The following FGF12 variants were observed in gnomAD, a reference collection of about 807,000 sequenced individuals.
FGF12 encodes the protein fibroblast growth factor 12B.
In FGF12, 14 loss-of-function variants were observed where a neutral mutation model predicts 23.6. That is an observed-to-expected ratio of 0.59 (90% confidence interval 0.39 to 0.93). FGF12 has a LOEUF of 0.93. Among genes scored for constraint, FGF12 ranks in the 40% least tolerant of loss-of-function variants. The pLI, the probability that FGF12 is intolerant of heterozygous loss-of-function variation, is 0.00. For missense variants in FGF12, 175 were observed against 217.8 expected (o/e 0.80, Z 1.24); for synonymous variants, 62 against 77.3 (o/e 0.80, Z 1.04).
At position 192,408,025 on chromosome 3, in the gene FGF12, C is replaced by A. The variant is rs777885132; in HGVS notation, c.14-47487G>T. On this transcript the variant is annotated intron_variant, in intron 2 of 5. Coordinates refer to ENST00000445105, the MANE Select transcript of FGF12 (RefSeq NM_004113.6). This position sits in a 1 kb window ranked among gnomAD's most constrained non-coding sequence, Gnocchi z 7.3. ...GCCCACTCTCCGGGCTTCTACTGAC[C>A]TGGTCTCCGCCTCACCGGCCTCTTG... 6.2e-7 allele frequency: 1 copy of A among 1,608,682 alleles called. No homozygotes were observed. The highest frequency in any genetic ancestry group is 8.5e-7 in the Non-Finnish European group (1 of 1,178,142).
chr3:192,349,568 T>C (rs1469914260), intron 3 of FGF12, among the ~76,000 whole-genome samples: 1 of 152,086 alleles, frequency 6.6e-6, no homozygotes, highest in East Asian at 1.9e-4. Flanking sequence ...TTTAAGAAAA[T>C]GATGTCTCTA....
chr3:192,683,598 C>T (rs568623614), intron 2 of FGF12, among the ~76,000 whole-genome samples: 5 of 152,220 alleles, frequency 3.3e-5, no homozygotes, highest in East Asian at 1.9e-4. Flanking sequence ...AACATTTCCC[C>T]GCTCTATTAA....
At chr3:192,293,439 C>A (rs941171287) in intron 4 of FGF12, among the ~76,000 whole-genome samples, 1 of 152,180 alleles carries the variant, frequency 6.6e-6, no homozygotes, top group Non-Finnish European at 1.5e-5. Context: ...ACTTAACATA[C>A]CTTTCCATCG....
chr3:192,248,591 A>G (rs1326692322), intron 4 of FGF12, among the ~76,000 whole-genome samples: 1 of 152,122 alleles, frequency 6.6e-6, no homozygotes, highest in African/African-American at 2.4e-5. Flanking sequence ...TATGCAACAT[A>G]GTGAGACCCC....
chr3:192,439,713 A>T (rs967026966), intron 2 of FGF12, among the ~76,000 whole-genome samples: 3 of 152,194 alleles, frequency 2.0e-5, no homozygotes, highest in Non-Finnish European at 4.4e-5. Context: ...GTGGTGGCTC[A>T]CGCCTGTAAT....
intron 2 of FGF12, among the ~76,000 whole-genome samples, chr3:192,393,818 G>A (rs938919423): frequency 4.6e-5 from 7 of 151,928 alleles, no homozygotes; most frequent in Admixed American, 1.3e-4. Context: ...AATATTAAAC[G>A]TGATGATTCT....
intron 2 of FGF12, among the ~76,000 whole-genome samples, chr3:192,667,921 G>A (rs1716954378): frequency 1.3e-5 from 2 of 152,160 alleles, no homozygotes; most frequent in African/African-American, 4.8e-5. Flanking sequence ...CACACATAAT[G>A]AAAAGGTAAA....
At chr3:192,693,992 T>G (rs182104233) in intron 2 of FGF12, among the ~76,000 whole-genome samples, 1 of 152,130 alleles carries the variant, frequency 6.6e-6, no homozygotes. Context: ...AGAAAATATT[T>G]GTGAACCATG....
At chr3:192,641,498 G>A (rs550089819) in intron 2 of FGF12, among the ~76,000 whole-genome samples, 5 of 150,202 alleles carry the variant, frequency 3.3e-5, no homozygotes, top group East Asian at 3.9e-4. Context: ...TCTGTCTCCC[G>A]GGTTCCAGCG....
At chr3:192,214,150 A>G (rs900082579) in intron 4 of FGF12, among the ~76,000 whole-genome samples, 1 of 152,182 alleles carries the variant, frequency 6.6e-6, no homozygotes, top group Non-Finnish European at 1.5e-5. Flanking sequence ...CCAAGAAACT[A>G]TATGATTGTG....
intron 2 of FGF12, among the ~76,000 whole-genome samples, chr3:192,677,125 A>G (rs1717353030): frequency 6.6e-6 from 1 of 152,194 alleles, no homozygotes; most frequent in South Asian, 2.1e-4. Flanking sequence ...GCTTGACTTT[A>G]CGTAGCATGA....
rs1214664643 is a variant in FGF12 at position 192,673,817 on chromosome 3, C to G, written c.13+53364G>C. Among the ~76,000 whole-genome samples, 2 of 151,000 alleles carry G rather than the reference C, an allele frequency of 1.3e-5. 1 individual carries two copies. Among genetic ancestry groups the G allele is most frequent in the Non-Finnish European group, 3.0e-5 (2 of 67,498 alleles). On this transcript the variant is annotated intron_variant, in intron 2 of 5. Coordinates refer to ENST00000445105, the MANE Select transcript of FGF12 (RefSeq NM_004113.6). ...ATGGGCATTTGGGTTTGTTCCAAGA[C>G]TTTATTATTGTGAATAGTGCTGCAT...
chr3:192,556,649 C>T (rs1031099267), intron 2 of FGF12, among the ~76,000 whole-genome samples: 1 of 152,098 alleles, frequency 6.6e-6, no homozygotes, highest in African/African-American at 2.4e-5. Flanking sequence ...AGGAGCTGAG[C>T]AATTCTATTT....
At chr3:192,176,349 T>A (rs770796795) in intron 4 of FGF12, among the ~76,000 whole-genome samples, 1 of 152,240 alleles carries the variant, frequency 6.6e-6, no homozygotes, top group Non-Finnish European at 1.5e-5. Flanking sequence ...GTATTTAATG[T>A]GTTCTGTCTT....
At chr3:192,631,522 G>C (rs1371074480) in intron 2 of FGF12, among the ~76,000 whole-genome samples, 1 of 152,172 alleles carries the variant, frequency 6.6e-6, no homozygotes, top group Non-Finnish European at 1.5e-5. Context: ...CACACCAGTG[G>C]GCAAGTTTAG....
rs188126945 is a variant in FGF12 at position 192,249,421 on chromosome 3, C to G, written c.229-78765G>C. Among the ~76,000 whole-genome samples the G allele has an allele frequency of 7.5e-3, 1,136 of 152,260 alleles. 5 individuals carry two copies. Among genetic ancestry groups the G allele is most frequent in the Non-Finnish European group, 0.012 (825 of 68,020 alleles). ...GATATAATTCCTGACTCAGCCCCCA[C>G]AGAATATTTAAAATATAGTAATACA... On this transcript the variant is annotated intron_variant, in intron 4 of 5. Coordinates refer to ENST00000445105, the MANE Select transcript of FGF12 (RefSeq NM_004113.6).
chr3:192,592,030 G>A (rs115779872), intron 2 of FGF12, among the ~76,000 whole-genome samples: 3,352 of 151,732 alleles, frequency 0.022, 120 homozygotes, highest in Middle Eastern at 0.061. Context: ...AGGCTGTGTA[G>A]GCAATACAAA....
intron 2 of FGF12, among the ~76,000 whole-genome samples, chr3:192,441,072 A>C (rs574664028): frequency 2.6e-5 from 4 of 152,352 alleles, no homozygotes; most frequent in African/African-American, 9.6e-5. Flanking sequence ...GCATAATAAA[A>C]AGAGACTTAT....
Position 192,532,280 on chromosome 3 carries a change from T to C in FGF12, c.14-171742A>G, listed in dbSNP as rs528567760. Among the ~76,000 whole-genome samples the C allele has an allele frequency of 3.9e-5, 6 of 152,272 alleles. No individual in the cohort carries two copies. In the East Asian group the frequency reaches 1.2e-3, roughly 29 times the overall value. On this transcript the variant is annotated intron_variant, in intron 2 of 5. Coordinates refer to ENST00000445105, the MANE Select transcript of FGF12 (RefSeq NM_004113.6). ...ATTTTAGGATTTTTTTTTCTAGCTC[T>C]GTGAAGAATGCTGATGACCTTTCGA...
Sources: gnomAD v4.1 joint callset for allele counts (sites outside exome capture counted in the v4.1 genomes callset) on GRCh38, gnomAD v4.1.1 for gene constraint, Gnocchi (gnomAD v3.1) non-coding constraint, MANE v1.5 for transcripts, NCBI Gene and HGNC (gene_info 2026-07-23, HGNC 2026-07-21) for gene names.